The following ACBD6 variants were observed in gnomAD, a reference collection of about 807,000 sequenced individuals.
The protein encoded by ACBD6 is acyl-CoA-binding domain-containing protein 6.
Under a neutral mutation model 37.2 loss-of-function variants are expected in ACBD6, and 28 were observed. That is an observed-to-expected ratio of 0.75 (90% CI 0.56 to 1.03). The LOEUF is 1.03. Among genes scored for constraint, ACBD6 ranks in the 50% least tolerant of loss-of-function variants. The pLI is 0.00. For synonymous variants in ACBD6, 113 were observed against 126.8 expected, an observed-to-expected ratio of 0.89 and a Z score of 0.73; for missense variants, 340 against 337.4, an observed-to-expected ratio of 1.01 and a Z score of -0.06.
At chr1:180,339,042 A>G (rs1651861801) in intron 6 of ACBD6, among the ~76,000 whole-genome samples, 1 of 152,234 alleles carries the variant, frequency 6.6e-6, no homozygotes, top group African/African-American at 2.4e-5. Flanking sequence ...CAGGTGCTAG[A>G]GAGGATGTGG....
chr1:180,373,516 G>C (rs1190065238), intron 6 of ACBD6, among the ~76,000 whole-genome samples: 1 of 152,178 alleles, frequency 6.6e-6, no homozygotes, highest in African/African-American at 2.4e-5. Context: ...GTCACTGCAA[G>C]AGCAATATCC....
At chr1:180,431,036 C>T (rs1254457810) in intron 3 of ACBD6, among the ~76,000 whole-genome samples, 3 of 152,098 alleles carry the variant, frequency 2.0e-5, no homozygotes, top group Non-Finnish European at 4.4e-5. Flanking sequence ...CATAAATATT[C>T]CCTTAGAATC....
At chr1:180,472,184 A>C (rs1009773025) in intron 3 of ACBD6, among the ~76,000 whole-genome samples, 1 of 152,158 alleles carries the variant, frequency 6.6e-6, no homozygotes, top group Non-Finnish European at 1.5e-5. Flanking sequence ...CCCCTCCTTT[A>C]AGTTAAGGTA....
At chr1:180,327,413 C>A (rs545480524) in intron 6 of ACBD6, among the ~76,000 whole-genome samples, 1 of 152,150 alleles carries the variant, frequency 6.6e-6, no homozygotes, top group African/African-American at 2.4e-5. Flanking sequence ...GTGGTGTCAG[C>A]GATTTAAGAC....
chr1:180,359,700 T>TCCTGGTTCCC (rs1558265677), intron 6 of ACBD6, among the ~76,000 whole-genome samples: 10 of 24,242 alleles, frequency 4.1e-4, no homozygotes, highest in Non-Finnish European at 7.1e-4. Context: ...AGTGGGGTCC[T>TCCTGGTTCCC]AAGCCTCTTT....
At chr1:180,323,734 T>C (rs181939837) in intron 6 of ACBD6, among the ~76,000 whole-genome samples, 231 of 152,268 alleles carry the variant, frequency 1.5e-3, no homozygotes, top group African/African-American at 5.3e-3. Flanking sequence ...TTTTTTTGTT[T>C]CCACTGGGAT....
chr1:180,449,713 T>C (rs1348619861), intron 3 of ACBD6, among the ~76,000 whole-genome samples: 1 of 151,556 alleles, frequency 6.6e-6, no homozygotes, highest in Non-Finnish European at 1.5e-5. Flanking sequence ...AATTGAACAA[T>C]GATAACACTT....
At chr1:180,329,393 C>T (rs1045205555) in intron 6 of ACBD6, among the ~76,000 whole-genome samples, 3 of 152,038 alleles carry the variant, frequency 2.0e-5, no homozygotes, top group Non-Finnish European at 2.9e-5. Flanking sequence ...TTATTATTAT[C>T]AGTGTACCTG....
intron 3 of ACBD6, among the ~76,000 whole-genome samples, chr1:180,482,862 G>A (rs1208871850): frequency 6.6e-6 from 1 of 152,202 alleles, no homozygotes; most frequent in Admixed American, 6.5e-5. Flanking sequence ...CTGAAAGTGT[G>A]TGAGTGTGTG....
chr1:180,438,882 C>T (rs762045426), intron 3 of ACBD6, among the ~76,000 whole-genome samples: 3 of 152,144 alleles, frequency 2.0e-5, no homozygotes, highest in Non-Finnish European at 4.4e-5. Context: ...AGTTTCACTG[C>T]CCTAAAAATC....
intron 7 of ACBD6, among the ~76,000 whole-genome samples, chr1:180,298,009 T>A (rs1649990041): frequency 6.6e-6 from 1 of 152,254 alleles, no homozygotes; most frequent in Non-Finnish European, 1.5e-5. Context: ...CCTCCCAAAG[T>A]GCTGGGATAA....
intron 6 of ACBD6, among the ~76,000 whole-genome samples, chr1:180,359,946 ATTAT>A (rs1367971570): frequency 6.6e-6 from 1 of 152,222 alleles, no homozygotes; most frequent in African/African-American, 2.4e-5. Flanking sequence ...AGATAACATT[ATTAT>A]TTACTATGCA....
intron 6 of ACBD6, among the ~76,000 whole-genome samples, chr1:180,363,551 C>T (rs1222980722): frequency 1.3e-5 from 2 of 152,140 alleles, no homozygotes; most frequent in African/African-American, 2.4e-5. Flanking sequence ...GAAAATGTAA[C>T]GGGCAAAGCA....
rs370041840 is a variant in ACBD6, at chr1:180,271,529, G to A, written c.*1696C>T. On this transcript the variant is annotated 3_prime_UTR_variant, in exon 14 of 14. Transcript: ENST00000642319. Reference sequence around the variant, plus strand: ...AGAGACAGGCCTGGACATGAGGGTCGTACAGGTGAGATGCCAGCACTCCTG... The same window carrying A: ...AGAGACAGGCCTGGACATGAGGGTCATACAGGTGAGATGCCAGCACTCCTG... The A allele has an allele frequency of 2.6e-5, 42 of 1,613,958 alleles. No individual in the cohort carries two copies. The highest frequency in any genetic ancestry group is 1.6e-4 in the Middle Eastern group (1 of 6,084).
chr1:180,497,305 C>A (rs1367185557), intron 1 of ACBD6, among the ~76,000 whole-genome samples: 1 of 152,270 alleles, frequency 6.6e-6, no homozygotes, highest in African/African-American at 2.4e-5. Context: ...CAACTTCTGC[C>A]TAGGTTCTGG....
exon 14 of ACBD6, chr1:180,270,707 A>G (rs1648594097): frequency 6.4e-6 from 1 of 156,578 alleles, no homozygotes; most frequent in Non-Finnish European, 1.4e-5. Context: ...CTCAGTACAC[A>G]TATTTATACA....
intron 12 of ACBD6, chr1:180,272,894 T>C (rs990596824): frequency 6.6e-6 from 1 of 152,250 alleles, no homozygotes; most frequent in African/African-American, 2.4e-5. Context: ...CACATTTGTA[T>C]ACCTGGAAGG....
chr1:180,483,191 C>T (rs1311869500), intron 3 of ACBD6, among the ~76,000 whole-genome samples: 1 of 152,112 alleles, frequency 6.6e-6, no homozygotes, highest in Admixed American at 6.6e-5. Flanking sequence ...TAGAGACTTG[C>T]ACTAGCTGTT....
chr1:180,468,159 A>G (rs1227228349), intron 3 of ACBD6, among the ~76,000 whole-genome samples: 1 of 152,174 alleles, frequency 6.6e-6, no homozygotes, highest in Non-Finnish European at 1.5e-5. Context: ...AAAAGGAAGA[A>G]AGAAAAAAGG....
Sources: gnomAD v4.1 joint callset for allele counts (sites outside exome capture counted in the v4.1 genomes callset) on GRCh38, gnomAD v4.1.1 for gene constraint, MANE v1.5 for transcripts, NCBI Gene and HGNC (gene_info 2026-07-23, HGNC 2026-07-21) for gene names.